Variants in NAALADL2 observed in about 807,000 individuals in gnomAD.
NAALADL2 encodes the protein N-acetylated alpha-linked acidic dipeptidase like 2.
Under a neutral mutation model 87.2 loss-of-function variants are expected in NAALADL2, and 76 were observed. The ratio of observed to expected loss-of-function variants is 0.87; its 90% CI spans 0.72 to 1.05. The LOEUF (loss-of-function observed/expected upper bound fraction) is 1.05, where lower values mean the gene tolerates loss of function less well. NAALADL2 is among the 50% of genes least tolerant of loss of function. NAALADL2 has a pLI of 0.00. For synonymous variants in NAALADL2, 354 were observed against 331.0 expected (o/e 1.07, Z -0.75); for missense variants, 1,089 against 945.8 (o/e 1.15, Z -1.99).
intron 5 of NAALADL2, among the ~76,000 whole-genome samples, chr3:175,334,042 C>T (rs924305759): frequency 4.1e-4 from 63 of 152,200 alleles, no homozygotes; most frequent in African/African-American, 2.2e-4. Context: ...TTTGAATGCA[C>T]GCTTACTTTC....
chr3:175,282,281 A>C (rs2110086619), intron 4 of NAALADL2, among the ~76,000 whole-genome samples: 1 of 152,172 alleles, frequency 6.6e-6, no homozygotes, highest in Middle Eastern at 3.4e-3. Flanking sequence ...GGGTTACTAG[A>C]CAATTATCCT....
chr3:175,772,110 C>A (rs1418039566), intron 13 of NAALADL2, among the ~76,000 whole-genome samples: 1 of 152,114 alleles, frequency 6.6e-6, no homozygotes, highest in African/African-American at 2.4e-5. Context: ...ACGCTTTTTG[C>A]AAATAAGGTA....
intron 3 of NAALADL2, among the ~76,000 whole-genome samples, chr3:174,839,488 A>G (rs1723757072): frequency 6.6e-6 from 1 of 152,170 alleles, no homozygotes; most frequent in Non-Finnish European, 1.5e-5. Flanking sequence ...ACAAAGATAA[A>G]TAGCTGGGAC....
chr3:174,567,798 A>G (rs1269887950), intron 2 of NAALADL2, among the ~76,000 whole-genome samples: 2 of 151,720 alleles, frequency 1.3e-5, no homozygotes, highest in Non-Finnish European at 3.0e-5. Context: ...AGTACCTGGT[A>G]CCCAGTAGTC....
chr3:174,543,981 CTGGGTGACAAGAGTG>C (rs1432648071), intron 1 of NAALADL2, among the ~76,000 whole-genome samples: 1 of 151,224 alleles, frequency 6.6e-6, no homozygotes, highest in Non-Finnish European at 1.5e-5. Flanking sequence ...GCACTCCAGC[CTGGGTGACAAGAGTG>C]AGACTCTGTC....
intron 4 of NAALADL2, among the ~76,000 whole-genome samples, chr3:175,273,224 A>G (rs561646015): frequency 6.6e-6 from 1 of 152,232 alleles, no homozygotes; most frequent in East Asian, 1.9e-4. Context: ...TTGCAATATA[A>G]GTGTTTCATA....
chr3:175,330,894 A>G (rs1477509795), intron 5 of NAALADL2, among the ~76,000 whole-genome samples: 1 of 152,140 alleles, frequency 6.6e-6, no homozygotes, highest in Non-Finnish European at 1.5e-5. Flanking sequence ...TAAAATAGAT[A>G]AACCACTGAT....
intron 6 of NAALADL2, among the ~76,000 whole-genome samples, chr3:175,453,677 T>A (rs6443304): frequency 1.3e-5 from 2 of 151,990 alleles, no homozygotes; most frequent in Non-Finnish European, 2.9e-5. Context: ...GAATTATTTG[T>A]GGTTTTCTTT....
chr3:174,657,741 C>G (rs1357989571), intron 2 of NAALADL2, among the ~76,000 whole-genome samples: 5 of 152,134 alleles, frequency 3.3e-5, no homozygotes, highest in Non-Finnish European at 7.4e-5. Flanking sequence ...TGTCATACAA[C>G]AGTATTTCCA....
chr3:174,493,666 G>GA (rs1166593143), intron 1 of NAALADL2, among the ~76,000 whole-genome samples: 1 of 152,032 alleles, frequency 6.6e-6, no homozygotes, highest in Non-Finnish European at 1.5e-5. Flanking sequence ...AAGTAAAAGG[G>GA]AAAAAAATTC....
intron 1 of NAALADL2, among the ~76,000 whole-genome samples, chr3:174,455,536 G>T (rs978008361): frequency 6.6e-6 from 1 of 152,124 alleles, no homozygotes; most frequent in Non-Finnish European, 1.5e-5. Context: ...GATCAAGTAG[G>T]CATTATCCCT....
intron 11 of NAALADL2, among the ~76,000 whole-genome samples, chr3:175,707,081 C>T (rs1333852869): frequency 6.6e-6 from 1 of 152,030 alleles, no homozygotes; most frequent in Non-Finnish European, 1.5e-5. Context: ...ATTAAGAAGT[C>T]ATTGTGATAA....
At chr3:175,009,392 T>G (rs1354179911) in intron 1 of NAALADL2, among the ~76,000 whole-genome samples, 1 of 152,022 alleles carries the variant, frequency 6.6e-6, no homozygotes, top group African/African-American at 2.4e-5. Flanking sequence ...AATGTTAACA[T>G]GGTTAACACG....
intron 4 of NAALADL2, among the ~76,000 whole-genome samples, chr3:175,265,320 A>G (rs182359964): frequency 6.6e-6 from 1 of 151,842 alleles, no homozygotes; most frequent in African/African-American, 2.4e-5. Flanking sequence ...TTTGTGATTT[A>G]GCATAGTTAC....
intron 2 of NAALADL2, among the ~76,000 whole-genome samples, chr3:174,632,459 T>C (rs569057592): frequency 6.6e-6 from 1 of 152,142 alleles, no homozygotes; most frequent in East Asian, 1.9e-4. Flanking sequence ...ATAAATTCTA[T>C]AAAAGCAAAA....
chr3:175,567,306 T>A (rs1717305864), intron 9 of NAALADL2, among the ~76,000 whole-genome samples: 1 of 152,134 alleles, frequency 6.6e-6, no homozygotes, highest in Non-Finnish European at 1.5e-5. Flanking sequence ...AGGTCGGTTG[T>A]TGAGGGAGTA....
chr3:174,676,368 T>C (rs2108814193), intron 2 of NAALADL2, among the ~76,000 whole-genome samples: 1 of 152,130 alleles, frequency 6.6e-6, no homozygotes, highest in African/African-American at 2.4e-5. Context: ...AATTTGCATA[T>C]ATTGTTTTTG....
intron 4 of NAALADL2, among the ~76,000 whole-genome samples, chr3:175,272,121 T>A (rs892027668): frequency 6.6e-6 from 1 of 152,130 alleles, no homozygotes; most frequent in Non-Finnish European, 1.5e-5. Context: ...TTAGTGATGG[T>A]TTTGTGACCT....
chr3:174,656,221 A>G (rs1204409031), intron 2 of NAALADL2, among the ~76,000 whole-genome samples: 1 of 152,218 alleles, frequency 6.6e-6, no homozygotes, highest in African/African-American at 2.4e-5. Context: ...AATACCCTGA[A>G]GTAGGTGAAG....
Sources: gnomAD v4.1 joint callset for allele counts (sites outside exome capture counted in the v4.1 genomes callset) on GRCh38, gnomAD v4.1.1 for gene constraint, MANE v1.5 for transcripts, NCBI Gene and HGNC (gene_info 2026-07-23, HGNC 2026-07-21) for gene names.